The following ATIC variants were observed in gnomAD, a reference collection of about 807,000 sequenced individuals.
ATIC encodes 5-aminoimidazole-4-carboxamide ribonucleotide formyltransferase/IMP cyclohydrolase.
Under a neutral mutation model 72.5 loss-of-function variants are expected in ATIC, and 64 were observed. That is an observed-to-expected ratio of 0.88 (90% confidence interval 0.72 to 1.09). ATIC has a LOEUF of 1.09. Ranked by LOEUF, ATIC falls within the 50% of genes least tolerant of loss-of-function variation. The probability of loss-of-function intolerance (pLI) is 0.00; values close to 1 mark genes in which losing one functional copy is unlikely to be tolerated. For missense variants in ATIC, 787 were observed against 732.4 expected, an observed-to-expected ratio of 1.07 and a Z score of -0.86; for synonymous variants, 281 against 267.1, an observed-to-expected ratio of 1.05 and a Z score of -0.51.
At chr2:215,357,389 A>G in the ATIC span, among the ~76,000 whole-genome samples, 2 of 152,170 alleles carry the variant, frequency 1.3e-5, no homozygotes, top group Admixed American at 6.5e-5. Context: ...GCTTCAACCA[A>G]TGCTAGTTTC....
intron 3 of ATIC, among the ~76,000 whole-genome samples, chr2:215,319,314 A>G (rs1228453489): frequency 1.3e-5 from 2 of 152,080 alleles, no homozygotes; most frequent in Admixed American, 6.6e-5. Context: ...CTGAGACAGG[A>G]GAACCGCTTG....
chr2:215,339,059 T>A, intron 12 of ATIC, 152 bp downstream of exon 12: 1 of 1,105,644 alleles, frequency 9.0e-7, no homozygotes. Flanking sequence ...ACATAAGCTT[T>A]GGAGTTTAAG....
At chr2:215,340,549 T>G (rs1376845950) in intron 12 of ATIC, among the ~76,000 whole-genome samples, 1 of 152,174 alleles carries the variant, frequency 6.6e-6, no homozygotes, top group East Asian at 1.9e-4. Flanking sequence ...TAGCGATATT[T>G]TGAGGGCTGG....
the ATIC span, chr2:215,361,960 T>C: frequency 5.0e-6 from 8 of 1,611,692 alleles, no homozygotes; most frequent in African/African-American, 9.4e-5. Context: ...GTGCTGCTAA[T>C]GCACTTACAG....
rs1429264063 is a variant in ATIC, at chr2:215,338,770, G to C, written c.1099-9G>C. ...AGATTAACTTTAACTTTTAAAATTT[G>C]TATTTTAGATGGACCAATCTTACAA... is the stretch of plus-strand genomic sequence containing the variant. On this transcript the variant is annotated splice_polypyrimidine_tract_variant and intron_variant, in intron 11 of 15. Transcript: ENST00000236959. 1.5e-5 allele frequency: 24 copies of C among 1,612,510 alleles called. No homozygotes were observed. The highest frequency in any genetic ancestry group is 1.8e-5 in the Non-Finnish European group (21 of 1,179,112).
At chr2:215,315,252 G>A (rs2052696210) in intron 2 of ATIC, among the ~76,000 whole-genome samples, 1 of 152,170 alleles carries the variant, frequency 6.6e-6, no homozygotes, top group Non-Finnish European at 1.5e-5. Context: ...ACTGGCTTTG[G>A]GGAAAAAGAG....
intron 3 of ATIC, 66 bp downstream of exon 3, chr2:215,318,299 G>C: frequency 9.8e-6 from 14 of 1,425,188 alleles, no homozygotes; most frequent in Non-Finnish European, 1.4e-5. Flanking sequence ...AGTTGATAGC[G>C]TCCTAAAATA....
At chr2:215,315,377 T>TG (rs747099514) in intron 2 of ATIC, among the ~76,000 whole-genome samples, 32 of 152,046 alleles carry the variant, frequency 2.1e-4, no homozygotes, top group South Asian at 4.2e-4. Flanking sequence ...TATATTTTTT[T>TG]AGAGGGTTTT....
intron 3 of ATIC, among the ~76,000 whole-genome samples, chr2:215,318,899 G>C (rs1266200774): frequency 6.7e-6 from 1 of 149,446 alleles, no homozygotes; most frequent in East Asian, 1.9e-4. Context: ...TTTTTTTTGA[G>C]ACAGGATTAT....
rs565846993 is a variant in ATIC, at chr2:215,319,069, C to CG, written c.224-592dup. Reference sequence around the variant, plus strand: ...CTAATTTTTGTATTTTTTATAGAGACGGGGTCTCACCTTGTTGCCCAGGCT... The same window carrying CG: ...CTAATTTTTGTATTTTTTATAGAGACGGGGGTCTCACCTTGTTGCCCAGGCT... On this transcript the variant is annotated intron_variant, in intron 3 of 15. Transcript: ENST00000236959. Among the ~76,000 whole-genome samples the CG allele has an allele frequency of 9.6e-4, 145 of 151,738 alleles. 1 individual carries two copies. The highest frequency in any genetic ancestry group is 1.6e-3 in the Non-Finnish European group (106 of 67,942).
intron 12 of ATIC, among the ~76,000 whole-genome samples, chr2:215,343,156 C>CTT (rs533664290): frequency 7.1e-6 from 1 of 140,826 alleles, no homozygotes; most frequent in African/African-American, 2.6e-5. Flanking sequence ...GGTATTGCTA[C>CTT]TTTTTTTTTT....
At position 215,312,128 on chromosome 2, in the gene ATIC, C is replaced by T. The variant is rs11550203; in HGVS notation, c.-15C>T. The stretch of plus-strand genomic sequence containing the variant: ...CTGCTGCCTCCCGCTCGCCCTGAAC[C>T]CAGTGCCTGCAGCCATGGCTCCCGG... On this transcript the variant is annotated 5_prime_UTR_variant, in exon 1 of 16. Transcript: ENST00000236959. 0.011 allele frequency: 17,257 copies of T among 1,528,648 alleles called. 199 individuals carry two copies. The highest frequency in any genetic ancestry group is 0.046 in the African/African-American group (3,319 of 71,964). The allele number at this position is 1,528,648 out of a possible 1,614,324, so 94.7% of individuals were successfully genotyped here. A position where few individuals can be genotyped will look rare whatever the true frequency, so the allele number is the denominator to read the frequency against.
At position 215,332,488 on chromosome 2, in the gene ATIC, C is replaced by G. The variant is rs754962743; in HGVS notation, c.795C>G (p.Phe265Leu). The G allele has an allele frequency of 6.2e-7, 1 of 1,614,148 alleles. No homozygotes were observed. Among genetic ancestry groups the G allele is most frequent in the South Asian group, 1.1e-5 (1 of 91,084 alleles). Residue 265 changes from phenylalanine (F) to leucine (L), a missense_variant, in exon 8 of 16, where the codon TTC becomes TTG. Coordinates refer to ENST00000236959, the MANE Select transcript of ATIC (RefSeq NM_004044.7). ...TAGGTATTCCAGCCGCTGCCTCTTT[C>G]AAACATGTCAGCCCAGCAGGTAAAG... ...EALGIPAAAS[F>L]KHVSPAGAAV...
chr2:215,330,507 T>A (rs888790955), intron 7 of ATIC, among the ~76,000 whole-genome samples: 2 of 152,174 alleles, frequency 1.3e-5, no homozygotes, highest in Non-Finnish European at 2.9e-5. Context: ...TTTTGATTCA[T>A]TATTAACCAA....
At chr2:215,367,251 T>G in the ATIC span, among the ~76,000 whole-genome samples, 2 of 152,238 alleles carry the variant, frequency 1.3e-5, no homozygotes, top group Non-Finnish European at 2.9e-5. Flanking sequence ...ACATTTTAAC[T>G]TAAAAAATTT....
At chr2:215,352,051 T>G (rs1294903376), downstream of ATIC, among the ~76,000 whole-genome samples, 1 of 152,150 alleles carries the variant, frequency 6.6e-6, no homozygotes, top group Non-Finnish European at 1.5e-5. Flanking sequence ...CATGAGAAAC[T>G]TTCATGCCTA....
the ATIC span, among the ~76,000 whole-genome samples, chr2:215,363,933 C>A: frequency 1.3e-5 from 2 of 152,204 alleles, no homozygotes; most frequent in Non-Finnish European, 2.9e-5. Flanking sequence ...TACCAGAAGA[C>A]AGCAGGCAGA....
At chr2:215,319,596 G>T in intron 3 of ATIC, 69 bp from the exon 4 acceptor site, 1 of 1,165,472 alleles carries the variant, frequency 8.6e-7, no homozygotes. Context: ...AAGACACTAT[G>T]TTGAAAGACA....
the ATIC span, among the ~76,000 whole-genome samples, chr2:215,355,892 A>G: frequency 3.3e-5 from 5 of 152,172 alleles, no homozygotes; most frequent in Non-Finnish European, 5.9e-5. Context: ...TAGGTGGGCA[A>G]TCTTGGGCAC....
Sources: gnomAD v4.1 joint callset for allele counts (sites outside exome capture counted in the v4.1 genomes callset) on GRCh38, gnomAD v4.1.1 for gene constraint, MANE v1.5 for transcripts, NCBI Gene and HGNC (gene_info 2026-07-23, HGNC 2026-07-21) for gene names.